Variants in PLS1 observed in about 807,000 individuals in gnomAD.
PLS1 encodes the protein plastin 1.
Under a neutral mutation model 73.7 loss-of-function variants are expected in PLS1, and 32 were observed. That is an observed-to-expected ratio of 0.43 (90% CI 0.33 to 0.58). The LOEUF (loss-of-function observed/expected upper bound fraction) is 0.58. Among genes scored for constraint, PLS1 ranks in the 20% least tolerant of loss-of-function variants. The pLI, the probability that PLS1 is intolerant of heterozygous loss-of-function variation, is 0.04. For missense variants in PLS1, 633 were observed against 740.5 expected (o/e 0.85, Z 1.68); for synonymous variants, 217 against 261.3 (o/e 0.83, Z 1.63).
chr3:142,635,295 G>A (rs955631374), intron 1 of PLS1, among the ~76,000 whole-genome samples: 2 of 151,944 alleles, frequency 1.3e-5, no homozygotes, highest in African/African-American at 4.8e-5. Context: ...AAGAACAAAT[G>A]GGACAAATAG....
intron 1 of PLS1, among the ~76,000 whole-genome samples, chr3:142,630,437 AAAAC>A (rs1560038669): frequency 1.5e-5 from 2 of 132,234 alleles, no homozygotes; most frequent in African/African-American, 5.6e-5. Context: ...AAAAAAAAAA[AAAAC>A]AAACAAAACA....
chr3:142,607,343 G>A (rs971775876), intron 1 of PLS1, among the ~76,000 whole-genome samples: 2 of 152,146 alleles, frequency 1.3e-5, no homozygotes, highest in African/African-American at 4.8e-5. Context: ...GCAGTGGTGC[G>A]ATCTCGGCTC....
chr3:142,688,877 A>AT (rs2038027564), intron 9 of PLS1, among the ~76,000 whole-genome samples: 1 of 152,024 alleles, frequency 6.6e-6, no homozygotes, highest in African/African-American at 2.4e-5. Context: ...TATGATTTTA[A>AT]TTTTTAAAAT....
chr3:142,696,200 G>A (rs559185530), intron 11 of PLS1, among the ~76,000 whole-genome samples: 3 of 152,242 alleles, frequency 2.0e-5, no homozygotes, highest in African/African-American at 4.8e-5. Context: ...AGATTAAATC[G>A]ATTTGTTGAT....
chr3:142,637,353 A>T (rs989168947), intron 1 of PLS1, among the ~76,000 whole-genome samples: 8 of 152,230 alleles, frequency 5.3e-5, no homozygotes, highest in Non-Finnish European at 1.2e-4. Context: ...GACATTAAAC[A>T]CATCAGTGGT....
At chr3:142,662,488 C>G (rs1235498438) in intron 1 of PLS1, among the ~76,000 whole-genome samples, 1 of 152,108 alleles carries the variant, frequency 6.6e-6, no homozygotes, top group African/African-American at 2.4e-5. Flanking sequence ...ATGGGTGCAG[C>G]AAACCACCAT....
intron 10 of PLS1, among the ~76,000 whole-genome samples, chr3:142,690,834 A>G (rs1256377285): frequency 6.6e-6 from 1 of 152,130 alleles, no homozygotes; most frequent in Non-Finnish European, 1.5e-5. Flanking sequence ...CCACTCTCAT[A>G]CATACCAACA....
chr3:142,684,363 C>T lies in PLS1; in HGVS notation c.856C>T (p.His286Tyr), dbSNP rs1171480113. Residue 286 changes from histidine to tyrosine, a missense_variant, in exon 8 of 16, where the codon CAT (histidine) becomes TAT (tyrosine). His to Tyr is a moderately conservative substitution (Grantham distance 83, BLOSUM62 2). Coordinates refer to ENST00000457734, the MANE Select transcript of PLS1 (RefSeq NM_001145319.2). Reference protein sequence around the residue: ...VNYHLTNAGWHTISNFSQDIK... With the variant: ...VNYHLTNAGWYTISNFSQDIK... ...CTACCATCTGACCAATGCAGGATGG[C>T]ATACCATCAGCAACTTCAGCCAAGA... 5.0e-6 allele frequency: 8 copies of T among 1,613,172 alleles called. 1 individual carries two copies. The South Asian group carries it at 7.7e-5, about 16-fold the overall frequency.
intron 1 of PLS1, among the ~76,000 whole-genome samples, chr3:142,631,009 C>T (rs2036547746): frequency 1.4e-5 from 2 of 144,872 alleles, no homozygotes; most frequent in South Asian, 4.3e-4. Flanking sequence ...ACAAGGGTCC[C>T]AAGACTTATA....
intron 11 of PLS1, among the ~76,000 whole-genome samples, chr3:142,695,341 A>C (rs995034089): frequency 2.0e-5 from 3 of 152,222 alleles, no homozygotes; most frequent in African/African-American, 7.2e-5. Context: ...ATGATGTTGT[A>C]ATTTCTGCTC....
chr3:142,650,712 A>G (rs2037068483), intron 1 of PLS1, among the ~76,000 whole-genome samples: 1 of 152,176 alleles, frequency 6.6e-6, no homozygotes, highest in African/African-American at 2.4e-5. Flanking sequence ...GAAGGGAAAT[A>G]GTTTCTGAAG....
chr3:142,611,540 T>G (rs2036120065), intron 1 of PLS1, among the ~76,000 whole-genome samples: 1 of 152,206 alleles, frequency 6.6e-6, no homozygotes, highest in Non-Finnish European at 1.5e-5. Context: ...GAAGGCCACT[T>G]GAGCCCAGGA....
intron 1 of PLS1, among the ~76,000 whole-genome samples, chr3:142,637,006 G>A (rs2036708105): frequency 6.6e-6 from 1 of 152,174 alleles, no homozygotes; most frequent in African/African-American, 2.4e-5. Context: ...TAACTTGATA[G>A]CATCTTAAAA....
At chr3:142,664,856 C>T (rs1326889486) in intron 2 of PLS1, among the ~76,000 whole-genome samples, 2 of 152,034 alleles carry the variant, frequency 1.3e-5, no homozygotes, top group African/African-American at 4.8e-5. Flanking sequence ...ATGACATTAT[C>T]ATTTTGACAG....
At chr3:142,708,625 C>T (rs1932964494) in intron 14 of PLS1, among the ~76,000 whole-genome samples, 5 of 152,280 alleles carry the variant, frequency 3.3e-5, no homozygotes, top group Admixed American at 3.3e-4. Flanking sequence ...AGGGAAAAAT[C>T]ATTATCTTGA....
intron 1 of PLS1, among the ~76,000 whole-genome samples, chr3:142,626,494 C>T (rs143526211): frequency 2.0e-5 from 3 of 152,134 alleles, no homozygotes; most frequent in East Asian, 1.9e-4. Flanking sequence ...TAAAATAAGA[C>T]GATTTTTTAA....
intron 1 of PLS1, among the ~76,000 whole-genome samples, chr3:142,622,375 C>T (rs868031316): frequency 3.9e-5 from 6 of 152,084 alleles, no homozygotes; most frequent in Non-Finnish European, 2.9e-5. Context: ...ACACTTTTTT[C>T]CTCCAAAGCC....
At chr3:142,664,947 T>C (rs1294469591) in intron 2 of PLS1, among the ~76,000 whole-genome samples, 1 of 152,092 alleles carries the variant, frequency 6.6e-6, no homozygotes, top group Non-Finnish European at 1.5e-5. Context: ...AGGAAACCCA[T>C]GGTAAACAGG....
intron 1 of PLS1, among the ~76,000 whole-genome samples, chr3:142,656,269 A>G (rs2037234601): frequency 6.6e-6 from 1 of 152,184 alleles, no homozygotes; most frequent in Admixed American, 6.5e-5. Context: ...ACCAATTTTT[A>G]AGAAAAGTTT....
Sources: allele counts gnomAD v4.1 joint callset (sites outside exome capture counted in the v4.1 genomes callset), GRCh38; gene constraint gnomAD v4.1.1; transcripts MANE v1.5; gene names NCBI Gene and HGNC (gene_info 2026-07-23, HGNC 2026-07-21).